RGPD2: variants seen among roughly 807,000 people sequenced by gnomAD.
RGPD2 encodes the protein RANBP2 like and GRIP domain containing 2.
In RGPD2, 2 loss-of-function variants were observed where a neutral mutation model predicts 36.0. That is an observed-to-expected ratio of 0.06 (90% confidence interval 0.02 to 0.17). The LOEUF is 0.17. RGPD2 is among the 10% of genes least tolerant of loss of function. The probability of loss-of-function intolerance (pLI) is 1.00; values close to 1 mark genes in which losing one functional copy is unlikely to be tolerated. For missense variants in RGPD2, 40 were observed against 464.3 expected, an observed-to-expected ratio of 0.09 and a Z score of 8.40; for synonymous variants, 19 against 163.8, an observed-to-expected ratio of 0.12 and a Z score of 6.75.
At chr2:87,967,308 T>A in the RGPD2 span, among the ~76,000 whole-genome samples, 1 of 148,814 alleles carries the variant, frequency 6.7e-6, no homozygotes, top group East Asian at 1.9e-4. Flanking sequence ...CGTGGGAGGC[T>A]GAGGCAGGAC....
intron 1 of RGPD2, among the ~76,000 whole-genome samples, 146 bp downstream of exon 1, chr2:87,825,492 CCGGCCGAGGCCGAGGCCGAG>C (rs1343365505): frequency 1.0e-4 from 8 of 76,878 alleles, no homozygotes; most frequent in South Asian, 4.7e-4. Flanking sequence ...CCGCCGCCGC[CCGGCCGAGGCCGAGGCCGAG>C]GCCGCCGCCC....
chr2:87,877,069 A>G, the RGPD2 span, among the ~76,000 whole-genome samples: 5 of 152,224 alleles, frequency 3.3e-5, no homozygotes, highest in Non-Finnish European at 7.3e-5. Flanking sequence ...ATTTTTCTCC[A>G]TCTCTTTATT....
At chr2:87,846,454 A>G in the RGPD2 span, among the ~76,000 whole-genome samples, 1 of 152,078 alleles carries the variant, frequency 6.6e-6, no homozygotes, top group East Asian at 1.9e-4. Flanking sequence ...TAAATATTGG[A>G]TGTGATGTGA....
At chr2:87,919,969 C>T in the RGPD2 span, among the ~76,000 whole-genome samples, 4 of 151,946 alleles carry the variant, frequency 2.6e-5, no homozygotes, top group East Asian at 7.7e-4. Flanking sequence ...CTACTTTCTG[C>T]CATAGTGCAT....
chr2:87,859,470 ACT>A, the RGPD2 span, among the ~76,000 whole-genome samples: 2 of 149,798 alleles, frequency 1.3e-5, no homozygotes, highest in African/African-American at 4.9e-5. Flanking sequence ...TTCTCACTCA[ACT>A]CTTTCCTTCC....
chr2:87,909,255 T>G, the RGPD2 span, among the ~76,000 whole-genome samples: 1 of 151,216 alleles, frequency 6.6e-6, no homozygotes, highest in Non-Finnish European at 1.5e-5. Flanking sequence ...GCGTCAGCAA[T>G]TGCTGAAAAC....
At chr2:87,825,211 CTCA>C (rs959113204) in intron 1 of RGPD2, 32 of 395,020 alleles carry the variant, frequency 8.1e-5, no homozygotes, top group Non-Finnish European at 1.2e-4. Context: ...CTCCAAATAC[CTCA>C]TCAACAACCG....
the RGPD2 span, among the ~76,000 whole-genome samples, chr2:87,966,676 G>T: frequency 6.6e-6 from 1 of 151,978 alleles, no homozygotes; most frequent in Non-Finnish European, 1.5e-5. Context: ...GCCTGTAATC[G>T]CAGCACTTCG....
the RGPD2 span, among the ~76,000 whole-genome samples, chr2:87,839,563 C>T: frequency 7.2e-5 from 11 of 152,030 alleles, no homozygotes. Context: ...GAATATGGTA[C>T]ATGTACACCA....
At chr2:87,939,534 A>G in the RGPD2 span, among the ~76,000 whole-genome samples, 110 of 152,040 alleles carry the variant, frequency 7.2e-4, no homozygotes, top group Non-Finnish European at 1.4e-3. Flanking sequence ...TAGCCTTGGG[A>G]TTGGAAACAC....
At chr2:87,959,054 A>T in the RGPD2 span, among the ~76,000 whole-genome samples, 775 of 23,250 alleles carry the variant, frequency 0.033, 214 homozygotes, top group African/African-American at 0.059. Context: ...ATATATATAT[A>T]TATTTTTTTT....
chr2:87,988,327 A>G, the RGPD2 span, among the ~76,000 whole-genome samples: 2 of 132,318 alleles, frequency 1.5e-5, no homozygotes, highest in East Asian at 4.4e-4. Flanking sequence ...TGACAATAAT[A>G]TTAAGTTTTA....
the RGPD2 span, among the ~76,000 whole-genome samples, chr2:87,839,395 G>C: frequency 6.6e-6 from 1 of 151,970 alleles, no homozygotes; most frequent in Non-Finnish European, 1.5e-5. Flanking sequence ...TGATGTTATA[G>C]AGAAAACCAT....
the RGPD2 span, among the ~76,000 whole-genome samples, chr2:87,905,329 T>G: frequency 6.6e-6 from 1 of 152,184 alleles, no homozygotes; most frequent in African/African-American, 2.4e-5. Context: ...ATACTAACTT[T>G]GAAATAGAGA....
chr2:87,836,200 A>G, the RGPD2 span, among the ~76,000 whole-genome samples: 1 of 151,622 alleles, frequency 6.6e-6, no homozygotes, highest in Non-Finnish European at 1.5e-5. Flanking sequence ...TCAAAGAAAA[A>G]GAAAAAATAT....
At chr2:87,955,215 C>T in the RGPD2 span, among the ~76,000 whole-genome samples, 1 of 143,142 alleles carries the variant, frequency 7.0e-6, no homozygotes, top group East Asian at 2.1e-4. Flanking sequence ...AGGGTTTCAC[C>T]ATGTTAGCCA....
chr2:87,957,420 T>G, the RGPD2 span, among the ~76,000 whole-genome samples: 11 of 151,920 alleles, frequency 7.2e-5, no homozygotes. Flanking sequence ...ATAACAGAAA[T>G]GTATTGCACA....
chr2:87,915,033 G>A, the RGPD2 span, among the ~76,000 whole-genome samples: 1 of 151,846 alleles, frequency 6.6e-6, no homozygotes, highest in Non-Finnish European at 1.5e-5. Context: ...TGTAATCCCA[G>A]GTACTCAGGA....
At chr2:87,839,999 A>G in the RGPD2 span, among the ~76,000 whole-genome samples, 1 of 150,646 alleles carries the variant, frequency 6.6e-6, no homozygotes, top group South Asian at 2.1e-4. Context: ...TGAAGAAATA[A>G]ATTGTGGTTC....
Sources: gnomAD v4.1 joint callset for allele counts (sites outside exome capture counted in the v4.1 genomes callset) on GRCh38, gnomAD v4.1.1 for gene constraint, MANE v1.5 for transcripts, NCBI Gene and HGNC (gene_info 2026-07-23, HGNC 2026-07-21) for gene names.